The following EYA3 variants were observed in gnomAD, a reference collection of about 807,000 sequenced individuals.
EYA3 encodes EYA transcriptional coactivator and phosphatase 3.
EYA3 carries 39 observed loss-of-function variants against 80.0 expected under a neutral mutation model. The ratio of observed to expected loss-of-function variants is 0.49; its 90% CI spans 0.38 to 0.64. The LOEUF (loss-of-function observed/expected upper bound fraction) is 0.64, where lower values mean the gene tolerates loss of function less well. EYA3 is among the 30% of genes least tolerant of loss of function. The pLI, the probability that EYA3 is intolerant of heterozygous loss-of-function variation, is 0.00. For missense variants in EYA3, 523 were observed against 676.1 expected (o/e 0.77, Z 2.51); for synonymous variants, 206 against 232.8 (o/e 0.88, Z 1.05).
intron 1 of EYA3, among the ~76,000 whole-genome samples, chr1:28,087,142 T>C (rs1008139934): frequency 2.0e-5 from 3 of 152,190 alleles, no homozygotes; most frequent in Non-Finnish European, 2.9e-5. Context: ...GTGCTAGATA[T>C]ACACTATAAA....
At chr1:27,986,498 A>G (rs1182683177) in intron 16 of EYA3, among the ~76,000 whole-genome samples, 2 of 150,972 alleles carry the variant, frequency 1.3e-5, no homozygotes, top group Admixed American at 1.3e-4. Context: ...CCCAGGCTCA[A>G]GCAATTCTCC....
At chr1:28,083,046 T>G (rs912566070) in intron 1 of EYA3, among the ~76,000 whole-genome samples, 6 of 152,204 alleles carry the variant, frequency 3.9e-5, no homozygotes, top group Non-Finnish European at 8.8e-5. Flanking sequence ...AACTAGATTT[T>G]TAACCTCAAC....
At chr1:28,041,315 G>T (rs1557605138) in intron 4 of EYA3, among the ~76,000 whole-genome samples, 1 of 152,254 alleles carries the variant, frequency 6.6e-6, no homozygotes, top group South Asian at 2.1e-4. Context: ...AGTGAGCGGA[G>T]ATCTTGCCAT....
chr1:28,027,828 T>C lies in EYA3; in HGVS notation c.460A>G (p.Ser154Gly). ...GAATAATGTGCTGGGCTTGGCTGGCTTGTGGTTAACCCTGTAGTGCAGGTA... is the reference window on the plus strand; with the variant it reads ...GAATAATGTGCTGGGCTTGGCTGGCCTGTGGTTAACCCTGTAGTGCAGGTA... ...VLTCTTGLTT[S>G]QPSPAHYSYP... is the part of the protein sequence containing the mutation. The change falls in exon 7 of 18, where the codon AGC becomes GGC. Residue 154 changes from serine (S) to glycine (G), a missense_variant. By Grantham distance (56) the Ser-to-Gly change is moderately conservative. Transcript: ENST00000373871. The C allele has an allele frequency of 6.2e-7, 1 of 1,614,202 alleles. No homozygotes were observed. Among genetic ancestry groups the C allele is most frequent in the Non-Finnish European group, 8.5e-7 (1 of 1,180,028 alleles).
At chr1:28,035,008 G>A (rs1281472576) in intron 6 of EYA3, among the ~76,000 whole-genome samples, 1 of 151,984 alleles carries the variant, frequency 6.6e-6, no homozygotes, top group Non-Finnish European at 1.5e-5. Context: ...TAAAACCAAT[G>A]AAAATAACTC....
intron 6 of EYA3, 31 bp from the exon 7 acceptor site, chr1:28,027,957 CA>C: frequency 6.2e-7 from 1 of 1,613,664 alleles, no homozygotes; most frequent in Non-Finnish European, 8.5e-7. Context: ...CAATTACAAA[CA>C]ATACACTGGG....
At chr1:28,044,939 T>G (rs551150555) in intron 3 of EYA3, among the ~76,000 whole-genome samples, 2 of 152,218 alleles carry the variant, frequency 1.3e-5, no homozygotes, top group Admixed American at 1.3e-4. Context: ...ACCCAGCTAA[T>G]TTTTGTAATT....
intron 1 of EYA3, among the ~76,000 whole-genome samples, chr1:28,078,372 ATTAAAT>A (rs2148948807): frequency 6.6e-6 from 1 of 152,300 alleles, no homozygotes; most frequent in East Asian, 1.9e-4. Context: ...GCAATATAAC[ATTAAAT>A]GTCAATCATG....
intron 7 of EYA3, among the ~76,000 whole-genome samples, chr1:28,020,640 A>G (rs903297463): frequency 1.3e-5 from 2 of 150,966 alleles, no homozygotes; most frequent in African/African-American, 4.9e-5. Context: ...CTAAAAAGCC[A>G]GGCACTTTTA....
rs991800592 is a variant in EYA3 at position 28,048,363 on chromosome 1, A to G, written c.77+20T>C. 1.3e-6 allele frequency: 2 copies of G among 1,578,282 alleles called. No homozygotes were observed. Among genetic ancestry groups the G allele is most frequent in the Non-Finnish European group, 1.7e-6 (2 of 1,163,588 alleles). Reference sequence around the variant, plus strand: ...AAAACTTATGAGTAGTTCATTAAAAAGAAAGCAAACTTTACATACCTTATA... The same window carrying G: ...AAAACTTATGAGTAGTTCATTAAAAGGAAAGCAAACTTTACATACCTTATA... On this transcript the variant is annotated intron_variant, in intron 3 of 17. Coordinates refer to ENST00000373871, the MANE Select transcript of EYA3 (RefSeq NM_001990.4).
At chr1:27,987,070 C>T (rs1571718960) in intron 16 of EYA3, among the ~76,000 whole-genome samples, 1 of 152,296 alleles carries the variant, frequency 6.6e-6, no homozygotes, top group African/African-American at 2.4e-5. Flanking sequence ...GGAACCTTTT[C>T]ATTTTGCATG....
At chr1:28,036,529 T>C (rs1269383219) in intron 5 of EYA3, among the ~76,000 whole-genome samples, 1 of 152,040 alleles carries the variant, frequency 6.6e-6, no homozygotes, top group Non-Finnish European at 1.5e-5. Context: ...TCAAATCAAG[T>C]CTACAAAACA....
intron 2 of EYA3, among the ~76,000 whole-genome samples, chr1:28,048,951 G>C (rs1188782382): frequency 6.6e-6 from 1 of 152,006 alleles, no homozygotes; most frequent in African/African-American, 2.4e-5. Context: ...TGGGGAGAAG[G>C]CACTTCCATT....
chr1:28,003,723 G>A (rs1382350830), intron 11 of EYA3, among the ~76,000 whole-genome samples: 1 of 152,042 alleles, frequency 6.6e-6, no homozygotes, highest in Non-Finnish European at 1.5e-5. Flanking sequence ...GCAGATATTT[G>A]TATAAAATTT....
chr1:27,971,470 T>C lies in EYA3; in HGVS notation c.*2996A>G, dbSNP rs1039605640. The C allele has an allele frequency of 6.6e-6, 1 of 152,152 alleles. No homozygotes were observed. Among genetic ancestry groups the C allele is most frequent in the South Asian group, 2.1e-4 (1 of 4,816 alleles). 9.4% of individuals were successfully genotyped at this position (152,152 alleles called of 1,614,324 possible). The stretch of plus-strand genomic sequence containing the variant: ...TTAGCCAGGCGTGGTGGTGGGCGCC[T>C]GTAATCTCAGCTAATCAGGAGGCTG... On this transcript the variant is annotated 3_prime_UTR_variant, in exon 18 of 18. Coordinates refer to ENST00000373871, the MANE Select transcript of EYA3 (RefSeq NM_001990.4).
intron 12 of EYA3, among the ~76,000 whole-genome samples, chr1:27,997,659 C>T (rs1190740537): frequency 2.0e-5 from 3 of 152,132 alleles, no homozygotes; most frequent in Admixed American, 2.0e-4. Context: ...GCACAAGCTC[C>T]CTTACACTTC....
chr1:28,078,999 C>T (rs1172337737), intron 1 of EYA3, among the ~76,000 whole-genome samples: 1 of 152,156 alleles, frequency 6.6e-6, no homozygotes, highest in Non-Finnish European at 1.5e-5. Context: ...CATCAACAGC[C>T]AGAATTCTTA....
chr1:27,985,103 G>T (rs1321537081), intron 16 of EYA3, among the ~76,000 whole-genome samples: 1 of 151,736 alleles, frequency 6.6e-6, no homozygotes, highest in Non-Finnish European at 1.5e-5. Context: ...TTTGAGACAG[G>T]GTCTCACTGT....
At chr1:28,059,753 CTG>C (rs1034234171) in intron 1 of EYA3, among the ~76,000 whole-genome samples, 12 of 135,166 alleles carry the variant, frequency 8.9e-5, no homozygotes, top group Non-Finnish European at 1.2e-4. Context: ...TAGGGTTTCG[CTG>C]TGTCACCCAG....
Sources: gnomAD v4.1 joint callset for allele counts (sites outside exome capture counted in the v4.1 genomes callset) on GRCh38, gnomAD v4.1.1 for gene constraint, MANE v1.5 for transcripts, NCBI Gene and HGNC (gene_info 2026-07-23, HGNC 2026-07-21) for gene names.